FCHSD2: variants seen among roughly 807,000 people sequenced by gnomAD.
FCHSD2 encodes FCH and double SH3 domains 2.
A neutral mutation model predicts 108.1 loss-of-function variants in FCHSD2; 38 were observed. The ratio of observed to expected loss-of-function variants is 0.35; its 90% CI spans 0.27 to 0.46. The LOEUF (loss-of-function observed/expected upper bound fraction) is 0.46, where lower values mean the gene tolerates loss of function less well. FCHSD2 is among the 20% of genes least tolerant of loss of function. The pLI is 1.00. For missense variants in FCHSD2, 751 were observed against 897.8 expected (o/e 0.84, Z 2.09); for synonymous variants, 279 against 314.7 (o/e 0.89, Z 1.20).
At chr11:73,099,971 C>T (rs1252073671) in intron 2 of FCHSD2, among the ~76,000 whole-genome samples, 2 of 152,316 alleles carry the variant, frequency 1.3e-5, no homozygotes, top group East Asian at 1.9e-4. Context: ...GAAGATGTGC[C>T]GTTTGTCATA....
At chr11:73,000,908 T>G in intron 5 of FCHSD2, 82 bp downstream of exon 5, 1 of 1,264,240 alleles carries the variant, frequency 7.9e-7, no homozygotes, top group Non-Finnish European at 1.1e-6. Flanking sequence ...TAGTTTTAAA[T>G]AAAATTTAGC....
At chr11:73,100,334 T>G (rs904414728) in intron 2 of FCHSD2, among the ~76,000 whole-genome samples, 8 of 149,068 alleles carry the variant, frequency 5.4e-5, no homozygotes, top group Admixed American at 4.0e-4. Flanking sequence ...TTTACATGCT[T>G]TTGTTGTTGT....
In FCHSD2 at chr11:72,984,078, G is replaced by A; in HGVS notation, c.705+10C>T. 6.2e-7 allele frequency: 1 copy of A among 1,604,350 alleles called. No homozygotes were observed. Among genetic ancestry groups the A allele is most frequent in the Non-Finnish European group, 8.5e-7 (1 of 1,173,684 alleles). ...AAGTAAAATTACCATAGATATGAAA[G>A]CTGTATTACCTTCATAATGTTAACT... On this transcript the variant is annotated intron_variant, in intron 8 of 19. Coordinates refer to ENST00000409418, the MANE Select transcript of FCHSD2 (RefSeq NM_014824.3).
intron 2 of FCHSD2, among the ~76,000 whole-genome samples, chr11:73,138,604 A>ATTTT (rs535753859): frequency 1.7e-5 from 2 of 119,784 alleles, no homozygotes; most frequent in African/African-American, 3.0e-5. Flanking sequence ...TTGCACAGGA[A>ATTTT]TTTTTTTTTT....
Position 72,885,567 on chromosome 11 carries a change from T to C in FCHSD2, c.1146+1903A>G, listed in dbSNP as rs142409479. On this transcript the variant is annotated intron_variant, in intron 12 of 19. Coordinates refer to ENST00000409418, the MANE Select transcript of FCHSD2 (RefSeq NM_014824.3). ...GGGATGGCGGGAGGTTTCGTGGAGT[T>C]AGGGTACCAGTCGGTGATACCATGC... Among the ~76,000 whole-genome samples the C allele has an allele frequency of 2.3e-3, 351 of 152,238 alleles. 1 individual carries two copies. The highest frequency in any genetic ancestry group is 8.1e-3 in the African/African-American group (337 of 41,540).
At chr11:73,048,282 C>T (rs995700849) in intron 3 of FCHSD2, among the ~76,000 whole-genome samples, 6 of 152,154 alleles carry the variant, frequency 3.9e-5, no homozygotes, top group African/African-American at 1.4e-4. Flanking sequence ...TACCGACACA[C>T]ATATGGGACC....
chr11:72,867,902 C>T lies in FCHSD2; in HGVS notation c.1271G>A (p.Arg424His), dbSNP rs759152034. Residue 424 changes from arginine to histidine, a missense_variant, in exon 13 of 20, where the codon CGC (arginine) becomes CAC (histidine). Coordinates refer to ENST00000409418, the MANE Select transcript of FCHSD2 (RefSeq NM_014824.3). ...GCCATTACTGGTCACTGCAGGAGGG[C>T]GGGCCCATCGCTCATTTTCCAGTTC... Reference protein sequence around the residue: ...MEELENERWARPPAVTSNGTL... With the variant: ...MEELENERWAHPPAVTSNGTL... The T allele has an allele frequency of 1.1e-5, 18 of 1,612,310 alleles. No individual in the cohort carries two copies. The highest frequency in any genetic ancestry group is 4.4e-5 in the South Asian group (4 of 90,492).
At chr11:72,913,090 G>A (rs1855795757) in intron 9 of FCHSD2, among the ~76,000 whole-genome samples, 1 of 152,076 alleles carries the variant, frequency 6.6e-6, no homozygotes, top group African/African-American at 2.4e-5. Context: ...TAAACAACCA[G>A]ATCTCATGAG....
intron 2 of FCHSD2, among the ~76,000 whole-genome samples, chr11:73,109,877 A>C (rs1472455360): frequency 6.6e-6 from 1 of 152,114 alleles, no homozygotes; most frequent in Non-Finnish European, 1.5e-5. Flanking sequence ...TTCCTTCTAT[A>C]CCCAGTTTAT....
intron 13 of FCHSD2, among the ~76,000 whole-genome samples, chr11:72,865,086 T>C (rs1854692766): frequency 6.6e-6 from 1 of 152,274 alleles, no homozygotes; most frequent in African/African-American, 2.4e-5. Context: ...AAAACATTTA[T>C]CTTCCACAAG....
chr11:72,938,559 T>C (rs183420678), intron 8 of FCHSD2, among the ~76,000 whole-genome samples: 23 of 152,258 alleles, frequency 1.5e-4, no homozygotes, highest in Admixed American at 1.3e-3. Flanking sequence ...AAGGTGTCCT[T>C]TTCCTGACTG....
intron 8 of FCHSD2, among the ~76,000 whole-genome samples, chr11:72,980,702 A>G (rs1043281163): frequency 1.3e-5 from 2 of 148,242 alleles, no homozygotes; most frequent in African/African-American, 2.5e-5. Context: ...TATATAATGT[A>G]TGTATGTATA....
chr11:72,843,334 T>C lies in FCHSD2; in HGVS notation c.1528-6A>G, dbSNP rs1861022581. On this transcript the variant is annotated splice_region_variant and splice_polypyrimidine_tract_variant and intron_variant, in intron 15 of 19. Transcript: ENST00000409418. ...TGGCCAACTTTATTTCGAGCCTGGG[T>C]AAAAGACATGTGACAAAACAAGTTT... 6.2e-7 allele frequency: 1 copy of C among 1,611,462 alleles called. No individual in the cohort carries two copies. Among genetic ancestry groups the C allele is most frequent in the African/African-American group, 1.3e-5 (1 of 74,796 alleles).
intron 9 of FCHSD2, among the ~76,000 whole-genome samples, chr11:72,909,484 G>C (rs1855705349): frequency 1.3e-5 from 2 of 152,138 alleles, no homozygotes; most frequent in African/African-American, 2.4e-5. Flanking sequence ...GAGCGTCTCT[G>C]CCTGGCCGCC....
chr11:73,099,409 A>T (rs1860163183), intron 2 of FCHSD2, among the ~76,000 whole-genome samples: 1 of 152,248 alleles, frequency 6.6e-6, no homozygotes, highest in Non-Finnish European at 1.5e-5. Context: ...TCAAAAAGTT[A>T]AACACTGAAT....
intron 6 of FCHSD2, among the ~76,000 whole-genome samples, chr11:72,986,270 C>T (rs1028461350): frequency 1.3e-5 from 2 of 152,128 alleles, no homozygotes; most frequent in Non-Finnish European, 2.9e-5. Context: ...AGTGCAGTGG[C>T]GTGATCTCTG....
intron 8 of FCHSD2, among the ~76,000 whole-genome samples, chr11:72,944,093 C>CA (rs1565334947): frequency 6.6e-6 from 1 of 151,968 alleles, no homozygotes; most frequent in African/African-American, 2.4e-5. Flanking sequence ...AGAGACACAA[C>CA]AAAAAAAGAG....
chr11:73,120,729 A>T (rs185475769), intron 2 of FCHSD2, among the ~76,000 whole-genome samples: 130 of 152,132 alleles, frequency 8.5e-4, no homozygotes, highest in African/African-American at 3.0e-3. Flanking sequence ...AATTGTGTCT[A>T]AAAAAATAAT....
intron 13 of FCHSD2, 115 bp from the exon 14 acceptor site, chr11:72,850,004 C>T (rs1861239361): frequency 2.9e-6 from 2 of 679,450 alleles, no homozygotes; most frequent in Middle Eastern, 2.7e-4. Flanking sequence ...TTTAACTCTG[C>T]ATAGAAATGA....
Sources: allele counts gnomAD v4.1 joint callset (sites outside exome capture counted in the v4.1 genomes callset), GRCh38; gene constraint gnomAD v4.1.1; transcripts MANE v1.5; gene names NCBI Gene and HGNC (gene_info 2026-07-23, HGNC 2026-07-21).